CNTRL: variants seen among roughly 807,000 people sequenced by gnomAD.
CNTRL encodes the protein centriolin.
A neutral mutation model predicts 303.7 loss-of-function variants in CNTRL; 233 were observed. That is an observed-to-expected ratio of 0.77 (90% CI 0.69 to 0.86). CNTRL has a LOEUF of 0.86. Among genes scored for constraint, CNTRL ranks in the 40% least tolerant of loss-of-function variants. CNTRL has a pLI of 0.00. For synonymous variants in CNTRL, 900 were observed against 922.2 expected (o/e 0.98, Z 0.44); for missense variants, 2,524 against 2,650.6 (o/e 0.95, Z 1.05).
intron 1 of CNTRL, 33 bp downstream of exon 1, chr9:121,075,100 G>A (rs2047858477): frequency 2.7e-6 from 1 of 375,982 alleles, no homozygotes; most frequent in Non-Finnish European, 5.4e-6. Flanking sequence ...CCCGTTCCCC[G>A]GCATCCGGCC....
chr9:121,083,536 T>G (rs1391926560), intron 2 of CNTRL, among the ~76,000 whole-genome samples: 1 of 152,218 alleles, frequency 6.6e-6, no homozygotes, highest in Non-Finnish European at 1.5e-5. Context: ...TCATTTCTTA[T>G]GATAACAGTG....
chr9:121,101,519 A>G (rs2049167192), intron 7 of CNTRL, among the ~76,000 whole-genome samples: 1 of 152,206 alleles, frequency 6.6e-6, no homozygotes, highest in African/African-American at 2.4e-5. Context: ...ACACATTCAA[A>G]AGCTAGCAGA....
At chr9:121,094,003 G>A (rs758683381) in intron 4 of CNTRL, among the ~76,000 whole-genome samples, 3 of 152,016 alleles carry the variant, frequency 2.0e-5, no homozygotes, top group Admixed American at 6.6e-5. Context: ...CCAGCTACTC[G>A]GGAGGCTGAG....
chr9:121,138,771 T>G, intron 16 of CNTRL, 92 bp downstream of exon 16: 1 of 1,288,162 alleles, frequency 7.8e-7, no homozygotes, highest in Non-Finnish European at 1.1e-6. Context: ...TGCTCTAACA[T>G]GTAGTAAGCA....
Position 121,161,884 on chromosome 9 carries a change from A to G in CNTRL, c.5118A>G (p.Gln1706=), listed in dbSNP as rs1302376266. 1 of 1,614,064 alleles carries G rather than the reference A, an allele frequency of 6.2e-7. No individual in the cohort carries two copies. The highest frequency in any genetic ancestry group is 8.5e-7 in the Non-Finnish European group (1 of 1,179,938). The change falls in exon 33 of 44, where the codon CAA becomes CAG. Residue 1706 remains glutamine, a synonymous_variant. Coordinates refer to ENST00000373855, the MANE Select transcript of CNTRL (RefSeq NM_007018.6). ...TAAAGAATATTCTGGACATGTTGCA[A>G]CTTGAAAACCATGAGCTACAAGGTT... is the stretch of plus-strand genomic sequence containing the variant. ...TELKNILDML[Q]LENHELQGLK... is the part of the protein sequence containing the mutation.
At chr9:121,147,949 G>T (rs2051979385) in intron 23 of CNTRL, among the ~76,000 whole-genome samples, 1 of 152,236 alleles carries the variant, frequency 6.6e-6, no homozygotes, top group East Asian at 1.9e-4. Context: ...GAGGGTAGCA[G>T]AGTAGAGCTT....
intron 2 of CNTRL, among the ~76,000 whole-genome samples, chr9:121,084,528 A>G (rs2048270000): frequency 6.8e-6 from 1 of 148,100 alleles, no homozygotes. Context: ...CTGTATGCCT[A>G]GGATAGAAGA....
intron 7 of CNTRL, among the ~76,000 whole-genome samples, chr9:121,102,476 G>GA (rs1187274807): frequency 6.6e-6 from 1 of 152,140 alleles, no homozygotes; most frequent in East Asian, 1.9e-4. Flanking sequence ...CATTCCCTTT[G>GA]AAAACTGGCA....
chr9:121,107,562 T>C (rs527516067), intron 7 of CNTRL, among the ~76,000 whole-genome samples: 2 of 152,334 alleles, frequency 1.3e-5, no homozygotes, highest in East Asian at 3.9e-4. Context: ...AGCACACTAA[T>C]TGGATTAAAT....
rs774850427 is a variant in CNTRL at position 121,169,777 on chromosome 9, AC to A, written c.6238del (p.Lys2081ArgfsTer31). 2 of 1,614,084 alleles carry A rather than the reference AC, an allele frequency of 1.2e-6. No individual in the cohort carries two copies. Among genetic ancestry groups the A allele is most frequent in the South Asian group, 2.2e-5 (2 of 91,090 alleles). ...EKQVASLKEA[L>X]KIQRSQLEKN... ...AGCAGGTGGCCAGCCTGAAGGAAGC[AC>A]TTAAGATCCAGCGGAGCCAGCTGGA... On this transcript the variant is annotated frameshift_variant, in exon 39 of 44. Coordinates refer to ENST00000373855, the MANE Select transcript of CNTRL (RefSeq NM_007018.6). LOFTEE classifies it high-confidence loss of function.
At chr9:121,135,200 T>C (rs979750242) in intron 14 of CNTRL, among the ~76,000 whole-genome samples, 1 of 152,246 alleles carries the variant, frequency 6.6e-6, no homozygotes, top group African/African-American at 2.4e-5. Flanking sequence ...TCATTTAAGG[T>C]ACTCTTATCA....
intron 43 of CNTRL, 131 bp downstream of exon 43, chr9:121,175,355 C>T (rs970266801): frequency 2.6e-6 from 2 of 781,848 alleles, no homozygotes; most frequent in African/African-American, 3.4e-5. Context: ...CAGCCTTGAC[C>T]TCCCAGGCTC....
intron 16 of CNTRL, among the ~76,000 whole-genome samples, chr9:121,139,577 TATC>T (rs1428180131): frequency 6.6e-6 from 1 of 152,224 alleles, no homozygotes; most frequent in African/African-American, 2.4e-5. Flanking sequence ...CTGAAGCAAA[TATC>T]ATAAAAGATA....
At chr9:121,082,937 A>G (rs1206912059) in intron 2 of CNTRL, among the ~76,000 whole-genome samples, 1 of 149,226 alleles carries the variant, frequency 6.7e-6, no homozygotes, top group Non-Finnish European at 1.5e-5. Context: ...GCCACTGCAC[A>G]CCAGCCTGGG....
chr9:121,123,929 A>G lies in CNTRL; in HGVS notation c.1651-2A>G. On this transcript the variant is annotated splice_acceptor_variant, in intron 12 of 43. Transcript: ENST00000373855. LOFTEE classifies it high-confidence loss of function. ...TTTTGTTGATTTTTTTTTTTAATTC[A>G]GTCCCATATGAAGGCTCAAAAGAGC... The G allele has an allele frequency of 6.4e-7, 1 of 1,562,286 alleles. No homozygotes were observed.
chr9:121,102,658 C>T (rs2049241373), intron 7 of CNTRL, among the ~76,000 whole-genome samples: 1 of 152,246 alleles, frequency 6.6e-6, no homozygotes, highest in South Asian at 2.1e-4. Flanking sequence ...CCCATTGTCT[C>T]AGCCCAAAAT....
At chr9:121,162,802 C>G (rs1437061008) in intron 34 of CNTRL, among the ~76,000 whole-genome samples, 1 of 152,038 alleles carries the variant, frequency 6.6e-6, no homozygotes, top group Non-Finnish European at 1.5e-5. Context: ...TTTTATAAAC[C>G]TGTAGTAATC....
chr9:121,136,395 C>T (rs573847768), intron 15 of CNTRL, among the ~76,000 whole-genome samples: 22 of 152,204 alleles, frequency 1.4e-4, no homozygotes, highest in Non-Finnish European at 3.1e-4. Flanking sequence ...CTGCAACCTC[C>T]GCCTCCTGGG....
intron 24 of CNTRL, 27 bp from the exon 25 acceptor site, chr9:121,150,143 T>C (rs1240130057): frequency 1.9e-6 from 3 of 1,561,344 alleles, no homozygotes; most frequent in African/African-American, 1.4e-5. Context: ...TTTTGTTGAA[T>C]AAACTCTTCT....
Sources: gnomAD v4.1 joint callset for allele counts (sites outside exome capture counted in the v4.1 genomes callset) on GRCh38, gnomAD v4.1.1 for gene constraint, MANE v1.5 for transcripts, NCBI Gene and HGNC (gene_info 2026-07-23, HGNC 2026-07-21) for gene names.